Variants in CEP83 observed in about 807,000 individuals in gnomAD.
The protein encoded by CEP83 is centrosomal protein 83.
In CEP83, 70 loss-of-function variants were observed where a neutral mutation model predicts 101.9. That is an observed-to-expected ratio of 0.69 (90% confidence interval 0.57 to 0.84). CEP83 has a LOEUF of 0.84. Among genes scored for constraint, CEP83 ranks in the 40% least tolerant of loss-of-function variants. CEP83 has a pLI of 0.00. For synonymous variants in CEP83, 264 were observed against 267.9 expected, an observed-to-expected ratio of 0.99 and a Z score of 0.14; for missense variants, 715 against 787.2, an observed-to-expected ratio of 0.91 and a Z score of 1.10.
chr12:94,419,844 C>A (rs1406177719), intron 2 of CEP83, among the ~76,000 whole-genome samples: 1 of 151,900 alleles, frequency 6.6e-6, no homozygotes, highest in Non-Finnish European at 1.5e-5. Flanking sequence ...AAAATTAATT[C>A]TAGTTGGACT....
intron 9 of CEP83, chr12:94,369,614 G>A (rs1028554260): frequency 2.1e-5 from 4 of 188,598 alleles, no homozygotes; most frequent in Non-Finnish European, 4.3e-5. Flanking sequence ...AAAATGTCCT[G>A]GGACTAATAA....
chr12:94,449,466 T>C (rs1285313064), intron 1 of CEP83, among the ~76,000 whole-genome samples: 1 of 151,928 alleles, frequency 6.6e-6, no homozygotes, highest in Non-Finnish European at 1.5e-5. Flanking sequence ...ACAGAGATTA[T>C]ACAGCACGGA....
rs117581743 is a variant in CEP83 at position 94,353,000 on chromosome 12, G to A, written c.1343+14794C>T. Reference sequence around the variant, plus strand: ...AACATCCAAATCCAAAAAGCTCAAAGACCCCAAACTGATTCAACCCAAAAA... The same window carrying A: ...AACATCCAAATCCAAAAAGCTCAAAAACCCCAAACTGATTCAACCCAAAAA... On this transcript the variant is annotated intron_variant, in intron 11 of 16. Coordinates refer to ENST00000397809, the MANE Select transcript of CEP83 (RefSeq NM_016122.3). Among the ~76,000 whole-genome samples, 892 of 152,126 alleles carry A rather than the reference G, an allele frequency of 5.9e-3. 9 individuals carry two copies. The highest frequency in any genetic ancestry group is 6.8e-3 in the Middle Eastern group (2 of 294).
chr12:94,372,757 T>C (rs2061361078), intron 8 of CEP83, among the ~76,000 whole-genome samples: 1 of 152,218 alleles, frequency 6.6e-6, no homozygotes. Context: ...AAGCAACAAG[T>C]GAGGTCTGTC....
At chr12:94,458,612 C>G (rs377498906) in intron 1 of CEP83, among the ~76,000 whole-genome samples, 1 of 152,134 alleles carries the variant, frequency 6.6e-6, no homozygotes, top group Non-Finnish European at 1.5e-5. Flanking sequence ...GTGGCACGCA[C>G]CTGTAATCCC....
At chr12:94,300,832 G>A in the CEP83 span, 97 of 1,397,462 alleles carry the variant, frequency 6.9e-5, no homozygotes, top group African/African-American at 2.7e-4. Flanking sequence ...AAAAACACCC[G>A]TTTACAAACT....
chr12:94,450,014 C>T (rs1023415578), intron 1 of CEP83, among the ~76,000 whole-genome samples: 3 of 152,126 alleles, frequency 2.0e-5, no homozygotes, highest in South Asian at 4.1e-4. Context: ...CCTTAACCTT[C>T]TTCAAAGGGC....
At chr12:94,335,998 A>G (rs1412741799) in intron 11 of CEP83, 1 of 215,738 alleles carries the variant, frequency 4.6e-6, no homozygotes, top group African/African-American at 2.3e-5. Context: ...CCTTTCATGG[A>G]AAATTATAGA....
intron 14 of CEP83, among the ~76,000 whole-genome samples, chr12:94,323,425 G>GTCAC (rs1247417184): frequency 6.6e-6 from 1 of 152,032 alleles, no homozygotes; most frequent in African/African-American, 2.4e-5. Flanking sequence ...GGTCGCTGGG[G>GTCAC]TCACTCACTC....
At chr12:94,322,380 T>A (rs1425500429) in intron 14 of CEP83, among the ~76,000 whole-genome samples, 1 of 151,484 alleles carries the variant, frequency 6.6e-6, no homozygotes, top group Admixed American at 6.6e-5. Flanking sequence ...GGTCAAAAGG[T>A]CCTGTCCACT....
the CEP83 span, among the ~76,000 whole-genome samples, chr12:94,279,123 C>T: frequency 1.3e-5 from 2 of 152,336 alleles, no homozygotes; most frequent in South Asian, 2.1e-4. Flanking sequence ...TCTGCCTCAT[C>T]TACTGTGGAA....
intron 14 of CEP83, among the ~76,000 whole-genome samples, chr12:94,331,168 A>G (rs933509261): frequency 2.0e-5 from 3 of 151,386 alleles, no homozygotes; most frequent in African/African-American, 7.3e-5. Context: ...GCATGTGCCT[A>G]TAATTCCAGC....
chr12:94,409,950 T>C (rs1409054293), intron 4 of CEP83, among the ~76,000 whole-genome samples: 1 of 152,090 alleles, frequency 6.6e-6, no homozygotes, highest in Non-Finnish European at 1.5e-5. Flanking sequence ...TGAACCTACA[T>C]CCAAATAAGG....
chr12:94,391,750 C>T (rs746515220), intron 6 of CEP83, among the ~76,000 whole-genome samples: 14 of 151,788 alleles, frequency 9.2e-5, no homozygotes, highest in African/African-American at 2.2e-4. Context: ...CGTGCAAAGA[C>T]GCACATAGGC....
intron 2 of CEP83, among the ~76,000 whole-genome samples, chr12:94,427,329 A>C (rs1217198297): frequency 1.3e-5 from 2 of 152,266 alleles, no homozygotes; most frequent in Non-Finnish European, 1.5e-5. Context: ...AAAGTGAAAC[A>C]TTATCTCGAT....
At chr12:94,273,841 C>G in the CEP83 span, among the ~76,000 whole-genome samples, 1 of 152,068 alleles carries the variant, frequency 6.6e-6, no homozygotes, top group African/African-American at 2.4e-5. Context: ...CTAAGGATGC[C>G]TGAAATAGTA....
At chr12:94,419,065 AAT>A (rs1480385300) in intron 2 of CEP83, among the ~76,000 whole-genome samples, 1 of 152,068 alleles carries the variant, frequency 6.6e-6, no homozygotes, top group Non-Finnish European at 1.5e-5. Context: ...AAAAAAAAAA[AAT>A]CTTTATATAC....
chr12:94,381,969 C>A (rs745661584), intron 6 of CEP83, among the ~76,000 whole-genome samples: 1 of 152,056 alleles, frequency 6.6e-6, no homozygotes, highest in Non-Finnish European at 1.5e-5. Flanking sequence ...CTTCTTTAAA[C>A]ACCTGGTAAA....
chr12:94,364,314 C>T (rs1163043064), intron 11 of CEP83, among the ~76,000 whole-genome samples: 3 of 151,706 alleles, frequency 2.0e-5, no homozygotes, highest in African/African-American at 7.3e-5. Flanking sequence ...TAATGGAATC[C>T]CAATAAAACT....
Sources: gnomAD v4.1 joint callset for allele counts (sites outside exome capture counted in the v4.1 genomes callset) on GRCh38, gnomAD v4.1.1 for gene constraint, MANE v1.5 for transcripts, NCBI Gene and HGNC (gene_info 2026-07-23, HGNC 2026-07-21) for gene names.